Variants in SLC8A1 observed in about 807,000 individuals in gnomAD.
SLC8A1 encodes the protein solute carrier family 8 member A1.
SLC8A1 carries 18 observed loss-of-function variants against 68.3 expected under a neutral mutation model. The ratio of observed to expected loss-of-function variants is 0.26; its 90% CI spans 0.18 to 0.39. The LOEUF is 0.39. Ranked by LOEUF, SLC8A1 falls within the 10% of genes least tolerant of loss-of-function variation. SLC8A1 has a pLI of 1.00. For synonymous variants in SLC8A1, 475 were observed against 415.5 expected, an observed-to-expected ratio of 1.14 and a Z score of -1.74; for missense variants, 985 against 1,156.7, an observed-to-expected ratio of 0.85 and a Z score of 2.15.
intron 2 of SLC8A1, among the ~76,000 whole-genome samples, chr2:40,247,783 G>A (rs1393690459): frequency 1.3e-5 from 2 of 152,194 alleles, no homozygotes; most frequent in Non-Finnish European, 2.9e-5. Context: ...TTTCAAAGGT[G>A]AGACCCAGTA....
intron 2 of SLC8A1, among the ~76,000 whole-genome samples, chr2:40,347,154 C>G (rs184133309): frequency 1.3e-5 from 2 of 152,288 alleles, no homozygotes; most frequent in East Asian, 3.9e-4. Flanking sequence ...AATGTGGTAA[C>G]TTACTCTCTG....
chr2:40,248,464 G>A (rs965514239), intron 2 of SLC8A1, among the ~76,000 whole-genome samples: 1 of 152,118 alleles, frequency 6.6e-6, no homozygotes, highest in Non-Finnish European at 1.5e-5. Flanking sequence ...AAAGATGGCT[G>A]TCTATGAATC....
chr2:40,182,904 G>C (rs17025474), intron 2 of SLC8A1, among the ~76,000 whole-genome samples: 1 of 152,156 alleles, frequency 6.6e-6, no homozygotes, highest in Non-Finnish European at 1.5e-5. Flanking sequence ...GATCAGGAAA[G>C]GATGAAATGG....
At chr2:40,315,991 G>C (rs1444775350) in intron 2 of SLC8A1, among the ~76,000 whole-genome samples, 1 of 152,002 alleles carries the variant, frequency 6.6e-6, no homozygotes, top group Non-Finnish European at 1.5e-5. Flanking sequence ...CTTCTATGTA[G>C]AAAATAGTCC....
intron 7 of SLC8A1, among the ~76,000 whole-genome samples, chr2:40,131,584 C>T (rs2039341136): frequency 2.0e-5 from 3 of 152,150 alleles, no homozygotes; most frequent in Admixed American, 6.5e-5. Flanking sequence ...GTTGGTGAGA[C>T]CTTGGAATAT....
intron 2 of SLC8A1, among the ~76,000 whole-genome samples, chr2:40,345,251 T>G (rs780182010): frequency 5.3e-5 from 8 of 152,138 alleles, no homozygotes; most frequent in Admixed American, 1.3e-4. Flanking sequence ...GCCCTGCTGC[T>G]CCTCTCACTA....
At chr2:40,245,406 G>T (rs1049024646) in intron 2 of SLC8A1, among the ~76,000 whole-genome samples, 1 of 152,176 alleles carries the variant, frequency 6.6e-6, no homozygotes, top group East Asian at 1.9e-4. Context: ...GAAAGGCCAC[G>T]TGTCCACCAG....
At chr2:40,178,323 G>T in intron 2 of SLC8A1, 64 bp downstream of exon 3, 1 of 1,177,358 alleles carries the variant, frequency 8.5e-7, no homozygotes, top group African/African-American at 1.5e-5. Flanking sequence ...GAAGAGTGCA[G>T]GCATCCAGGG....
chr2:40,331,660 C>A (rs2076424186), intron 2 of SLC8A1, among the ~76,000 whole-genome samples: 1 of 151,862 alleles, frequency 6.6e-6, no homozygotes, highest in African/African-American at 2.4e-5. Flanking sequence ...ATGGTGCGAT[C>A]TCGGCTCACT....
intron 2 of SLC8A1, among the ~76,000 whole-genome samples, chr2:40,230,918 G>A (rs2059568289): frequency 6.6e-6 from 1 of 152,182 alleles, no homozygotes; most frequent in South Asian, 2.1e-4. Context: ...CAGAAATAGT[G>A]GGTGTGGTTT....
intron 2 of SLC8A1, among the ~76,000 whole-genome samples, chr2:40,335,825 C>G (rs1307507913): frequency 6.6e-6 from 1 of 152,184 alleles, no homozygotes; most frequent in African/African-American, 2.4e-5. Flanking sequence ...AATACAGGCT[C>G]TTTGGGAACC....
chr2:40,353,127 G>A (rs767415273), intron 2 of SLC8A1, among the ~76,000 whole-genome samples: 5 of 152,096 alleles, frequency 3.3e-5, no homozygotes, highest in Non-Finnish European at 7.3e-5. Flanking sequence ...AATTACTTGG[G>A]AATCAAAGGG....
intron 1 of SLC8A1, among the ~76,000 whole-genome samples, chr2:40,437,732 A>C (rs1382525623): frequency 6.6e-6 from 1 of 152,150 alleles, no homozygotes; most frequent in Non-Finnish European, 1.5e-5. Context: ...ATTTTTCTTA[A>C]CATCTTAAAT....
intron 2 of SLC8A1, among the ~76,000 whole-genome samples, chr2:40,272,525 T>C (rs1407349917): frequency 2.0e-5 from 3 of 152,088 alleles, no homozygotes; most frequent in African/African-American, 4.8e-5. Flanking sequence ...TAGGAGTCCA[T>C]AGGGGGCTAA....
intron 2 of SLC8A1, among the ~76,000 whole-genome samples, chr2:40,211,924 A>C (rs971102417): frequency 6.6e-6 from 1 of 152,222 alleles, no homozygotes; most frequent in Non-Finnish European, 1.5e-5. Context: ...TGCATGAATA[A>C]AATAGGGAAC....
chr2:40,164,591 C>T (rs1374572710), intron 5 of SLC8A1, among the ~76,000 whole-genome samples: 1 of 152,120 alleles, frequency 6.6e-6, no homozygotes, highest in Non-Finnish European at 1.5e-5. Flanking sequence ...TTAAACCTTC[C>T]CTTTGGGGCA....
intron 2 of SLC8A1, among the ~76,000 whole-genome samples, chr2:40,391,503 G>C (rs984191446): frequency 6.6e-6 from 1 of 151,984 alleles, no homozygotes; most frequent in African/African-American, 2.4e-5. Context: ...CATTCAATGT[G>C]AAGTAATCAT....
At position 40,292,549 on chromosome 2, in the gene SLC8A1, C is replaced by G. The variant is rs544820927; in HGVS notation, c.1809-114694G>C. ...ATGATTATCCATCATGGGGACAAAT[C>G]TATCCCAGGAAGGCTCATTTCAGAA... is the stretch of plus-strand genomic sequence containing the variant. On this transcript the variant is annotated intron_variant, in intron 2 of 7. Coordinates refer to ENST00000406785, the Ensembl canonical transcript of SLC8A1. Among the ~76,000 whole-genome samples, 4 of 152,294 alleles carry G rather than the reference C, an allele frequency of 2.6e-5. No homozygotes were observed. The East Asian group carries it at 7.7e-4, about 29-fold the overall frequency.
intron 2 of SLC8A1, among the ~76,000 whole-genome samples, chr2:40,410,792 A>C (rs1486189297): frequency 6.6e-6 from 1 of 152,074 alleles, no homozygotes; most frequent in African/African-American, 2.4e-5. Flanking sequence ...TTTCTTATTA[A>C]AAAAGCATTT....
Sources: allele counts gnomAD v4.1 joint callset (sites outside exome capture counted in the v4.1 genomes callset), GRCh38; gene constraint gnomAD v4.1.1; transcripts MANE v1.5; gene names NCBI Gene and HGNC (gene_info 2026-07-23, HGNC 2026-07-21).